Variants in KAT6B observed in about 807,000 individuals in gnomAD.
KAT6B encodes histone acetyltransferase KAT6B.
In KAT6B, 10 loss-of-function variants were observed where a neutral mutation model predicts 187.5. The observed-to-expected ratio is 0.05, with a 90% CI of 0.03 to 0.09. KAT6B has a LOEUF of 0.09. Ranked by LOEUF, KAT6B falls within the 10% of genes least tolerant of loss-of-function variation. KAT6B has a pLI of 1.00. For synonymous variants in KAT6B, 861 were observed against 926.8 expected, an observed-to-expected ratio of 0.93 and a Z score of 1.29; for missense variants, 1,952 against 2,558.9, an observed-to-expected ratio of 0.76 and a Z score of 5.12.
chr10:74,970,361 C>T lies in KAT6B; in HGVS notation c.928+260C>T, dbSNP rs551174000. On this transcript the variant is annotated intron_variant, in intron 6 of 17. Coordinates refer to ENST00000287239, the MANE Select transcript of KAT6B (RefSeq NM_012330.4). The stretch of plus-strand genomic sequence containing the variant: ...AGACCCAGGGATGAAAAGACCATCT[C>T]TCTCTCCAAACCATTCCCCTATTAG... Among the ~76,000 whole-genome samples, 43 of 152,046 alleles carry T rather than the reference C, an allele frequency of 2.8e-4. 1 individual carries two copies. In the South Asian group the frequency reaches 8.7e-3, roughly 31 times the overall value.
Position 75,010,570 on chromosome 10 carries a change from C to T in KAT6B, c.2630-10012C>T, listed in dbSNP as rs558933343. On this transcript the variant is annotated intron_variant, in intron 13 of 17. Coordinates refer to ENST00000287239, the MANE Select transcript of KAT6B (RefSeq NM_012330.4). ...AATTACAGCTGGTACATACACACAA[C>T]ACTCCCTTCCACATATACACACAGC... Among the ~76,000 whole-genome samples, 3 of 152,308 alleles carry T rather than the reference C, an allele frequency of 2.0e-5. No individual in the cohort carries two copies. The South Asian group carries it at 6.2e-4, about 32-fold the overall frequency.
Position 75,016,859 on chromosome 10 carries a change from C to CTT in KAT6B, c.2630-3703_2630-3702dup, listed in dbSNP as rs11323524. 3.6e-4 allele frequency among the ~76,000 whole-genome samples: 25 copies of CTT among 68,752 alleles called. No homozygotes were observed. In the South Asian group the frequency reaches 9.6e-3, roughly 26 times the overall value. The allele number at this position is 68,752 out of a possible 152,430, so 45.1% of individuals were successfully genotyped here. A position where few individuals can be genotyped will look rare whatever the true frequency, so the allele number is the denominator to read the frequency against. On this transcript the variant is annotated intron_variant, in intron 13 of 17. Coordinates refer to ENST00000287239, the MANE Select transcript of KAT6B (RefSeq NM_012330.4). ...AATACACCAGCTTCTAAGATAAGTG[C>CTT]TTTTTTTTTTTTTTTTTTTTTGAGA...
intron 3 of KAT6B, among the ~76,000 whole-genome samples, chr10:74,883,638 C>G (rs146411639): frequency 1.1e-3 from 168 of 152,252 alleles, no homozygotes; most frequent in African/African-American, 3.5e-3. Flanking sequence ...AGTGAATGGT[C>G]TTGGGTAATT....
rs147746065 is a variant in KAT6B at position 75,028,541 on chromosome 10, C to G, written c.3717C>G (p.Pro1239=). The change falls in exon 18 of 18, where the codon CCC becomes CCG. Residue 1239 remains proline, a synonymous_variant. Coordinates refer to ENST00000287239, the MANE Select transcript of KAT6B (RefSeq NM_012330.4). ...SNLKEGSKDN[P]EPLKCKQVWP... Reference sequence around the variant, plus strand: ...TGAAAGAAGGCAGTAAAGACAATCCCGAACCTCTAAAGTGCAAACAAGTGT... The same window carrying G: ...TGAAAGAAGGCAGTAAAGACAATCCGGAACCTCTAAAGTGCAAACAAGTGT... The G allele has an allele frequency of 1.4e-4, 229 of 1,613,976 alleles. 1 individual carries two copies. The highest frequency in any genetic ancestry group is 1.8e-4 in the Non-Finnish European group (216 of 1,180,056).
In KAT6B at chr10:74,826,798, C is replaced by T. The variant is rs1421123866; in HGVS notation, c.-329+13C>T. Reference sequence around the variant, plus strand: ...GGCGCGCAGCCAGGTCTGTCACCCACCCCGCGCGTTCCCAGGGGGAGGAGA... The same window carrying T: ...GGCGCGCAGCCAGGTCTGTCACCCATCCCGCGCGTTCCCAGGGGGAGGAGA... On this transcript the variant is annotated intron_variant, in intron 1 of 17. Transcript: ENST00000287239. The T allele has an allele frequency of 6.6e-6, 1 of 151,702 alleles. No individual in the cohort carries two copies. The highest frequency in any genetic ancestry group is 6.6e-5 in the Admixed American group (1 of 15,236). 9.4% of individuals were successfully genotyped at this position (151,702 alleles called of 1,614,324 possible). A position where few individuals can be genotyped will look rare whatever the true frequency, so the allele number is the denominator to read the frequency against.
At chr10:74,902,991 T>C (rs958222886) in intron 3 of KAT6B, among the ~76,000 whole-genome samples, 7 of 152,222 alleles carry the variant, frequency 4.6e-5, no homozygotes, top group Admixed American at 3.9e-4. Context: ...AATACATTCA[T>C]AAGGTTCCAG....
chr10:74,988,841 G>A (rs973344256), intron 12 of KAT6B, among the ~76,000 whole-genome samples, 178 bp from the exon 13 acceptor site: 3 of 152,170 alleles, frequency 2.0e-5, no homozygotes, highest in South Asian at 2.1e-4. Context: ...TGTCAGAGTC[G>A]ATGGTTTGTT....
chr10:74,928,616 G>A (rs1329520808), intron 3 of KAT6B, among the ~76,000 whole-genome samples: 1 of 152,104 alleles, frequency 6.6e-6, no homozygotes, highest in Non-Finnish European at 1.5e-5. Flanking sequence ...TTTTTAGTCT[G>A]TGTCTTAAAA....
At chr10:74,843,558 A>C (rs1317936718) in intron 3 of KAT6B, 80 bp downstream of exon 3, 4 of 1,521,866 alleles carry the variant, frequency 2.6e-6, no homozygotes, top group Non-Finnish European at 1.8e-6. Flanking sequence ...TTATGTGGAC[A>C]AAAGTTCTGA....
intron 15 of KAT6B, 64 bp downstream of exon 15, chr10:75,021,349 A>G: frequency 3.9e-6 from 6 of 1,548,944 alleles, no homozygotes. Flanking sequence ...TTAAGCTAAG[A>G]AAGTCATTAA....
intron 3 of KAT6B, among the ~76,000 whole-genome samples, chr10:74,872,494 G>A (rs1263375245): frequency 6.6e-6 from 1 of 152,084 alleles, no homozygotes; most frequent in Non-Finnish European, 1.5e-5. Context: ...TTCCACCTCA[G>A]CCTCCCGAGT....
chr10:74,856,727 C>T (rs186806192), intron 3 of KAT6B, among the ~76,000 whole-genome samples: 197 of 152,042 alleles, frequency 1.3e-3, no homozygotes, highest in African/African-American at 4.4e-3. Context: ...GGTGAAACCC[C>T]GTTTCTACAG....
chr10:75,010,980 G>A lies in KAT6B; in HGVS notation c.2630-9602G>A, dbSNP rs570464325. On this transcript the variant is annotated intron_variant, in intron 13 of 17. Coordinates refer to ENST00000287239, the MANE Select transcript of KAT6B (RefSeq NM_012330.4). ...CTTTATTTAAAGTGTATATGTGTTC[G>A]ATTAAGTTTGCCATCTTAAAGCCTT... 6.6e-5 allele frequency among the ~76,000 whole-genome samples: 10 copies of A among 152,292 alleles called. No homozygotes were observed. The East Asian group carries it at 9.7e-4, about 15-fold the overall frequency.
At chr10:74,845,840 G>C (rs1405765335) in intron 3 of KAT6B, among the ~76,000 whole-genome samples, 1 of 147,378 alleles carries the variant, frequency 6.8e-6, no homozygotes, top group Non-Finnish European at 1.5e-5. Flanking sequence ...CCCATGGAAA[G>C]GCAAACCACC....
chr10:75,027,858 G>T (rs1360591762), intron 17 of KAT6B, among the ~76,000 whole-genome samples: 1 of 152,082 alleles, frequency 6.6e-6, no homozygotes, highest in Non-Finnish European at 1.5e-5. Flanking sequence ...ATTGTAGTTT[G>T]TATCATGCAA....
Position 75,031,501 on chromosome 10 carries a change from G to A in KAT6B, c.*455G>A, listed in dbSNP as rs1408453393. 3 of 297,890 alleles carry A rather than the reference G, an allele frequency of 1.0e-5. No individual in the cohort carries two copies. The highest frequency in any genetic ancestry group is 6.5e-5 in the South Asian group (1 of 15,376). The allele number at this position is 297,890 out of a possible 1,614,324, so 18.5% of individuals were successfully genotyped here. ...GTTTAAGGTGACACTTCAGCATGCCGCTAATGTCTTTGTTAGTGACAGTGC... is the reference window on the plus strand; with the variant it reads ...GTTTAAGGTGACACTTCAGCATGCCACTAATGTCTTTGTTAGTGACAGTGC... On this transcript the variant is annotated 3_prime_UTR_variant, in exon 18 of 18. Transcript: ENST00000287239.
intron 3 of KAT6B, among the ~76,000 whole-genome samples, chr10:74,898,977 C>T (rs1401501279): frequency 7.0e-6 from 1 of 142,088 alleles, no homozygotes. Flanking sequence ...ATGGTGAAAC[C>T]CCCGTCTGTA....
intron 3 of KAT6B, among the ~76,000 whole-genome samples, chr10:74,912,461 T>C (rs896585146): frequency 4.6e-5 from 7 of 152,050 alleles, no homozygotes; most frequent in Non-Finnish European, 8.8e-5. Flanking sequence ...AATTCCAGCT[T>C]TCCAGTAGAT....
chr10:74,843,449 G>A lies in KAT6B; in HGVS notation c.592G>A (p.Val198Ile). The part of the protein sequence containing the change: ...PSAFPSSLPP[V>I]SLLPHEKDQP... ...TGCATTCCCATCCTCGCTCCCACCT[G>A]TCAGCCTTCTACCCCATGAGAAAGA... The change falls in exon 3 of 18, where the codon GTC (valine) becomes ATC (isoleucine). Residue 198 changes from valine to isoleucine, a missense_variant. Coordinates refer to ENST00000287239, the MANE Select transcript of KAT6B (RefSeq NM_012330.4). The A allele has an allele frequency of 6.2e-7, 1 of 1,613,842 alleles. No individual in the cohort carries two copies. Among genetic ancestry groups the A allele is most frequent in the Non-Finnish European group, 8.5e-7 (1 of 1,180,024 alleles).
Sources: gnomAD v4.1 joint callset for allele counts (sites outside exome capture counted in the v4.1 genomes callset) on GRCh38, gnomAD v4.1.1 for gene constraint, MANE v1.5 for transcripts, NCBI Gene and HGNC (gene_info 2026-07-23, HGNC 2026-07-21) for gene names.